Variants in ESRRG observed in about 807,000 individuals in gnomAD.
The protein encoded by ESRRG is estrogen-related receptor gamma.
A neutral mutation model predicts 44.0 loss-of-function variants in ESRRG; 13 were observed. That is an observed-to-expected ratio of 0.30 (90% confidence interval 0.19 to 0.47). The LOEUF (loss-of-function observed/expected upper bound fraction) is 0.47. ESRRG is among the 20% of genes least tolerant of loss of function. The probability of loss-of-function intolerance (pLI) is 1.00; values close to 1 mark genes in which losing one functional copy is unlikely to be tolerated. For synonymous variants in ESRRG, 215 were observed against 214.6 expected (o/e 1.00, Z -0.02); for missense variants, 395 against 580.6 (o/e 0.68, Z 3.29).
chr1:216,677,376 G>A lies in ESRRG; in HGVS notation c.172C>T (p.Pro58Ser). 6.2e-7 allele frequency: 1 copy of A among 1,614,146 alleles called. No individual in the cohort carries two copies. The highest frequency in any genetic ancestry group is 8.5e-7 in the Non-Finnish European group (1 of 1,180,008). Residue 58 changes from proline (P) to serine (S), a missense_variant, in exon 2 of 7, where the codon CCT becomes TCT. Transcript: ENST00000408911. ...SLTDSVNHHS[P>S]GGSSDASGSY... Reference sequence around the variant, plus strand: ...CCACTGGCGTCTGAAGAGCCACCAGGGCTGTGGTGGTTGACGCTGTCCGTC... The same window carrying A: ...CCACTGGCGTCTGAAGAGCCACCAGAGCTGTGGTGGTTGACGCTGTCCGTC...
At chr1:216,685,754 A>G (rs17043350) in intron 1 of ESRRG, among the ~76,000 whole-genome samples, 30,091 of 152,148 alleles carry the variant, frequency 0.2, 3,407 homozygotes, top group East Asian at 0.38. Flanking sequence ...AAATGCTATC[A>G]CAAGTTGATA....
intron 3 of ESRRG, among the ~76,000 whole-genome samples, chr1:216,615,819 G>T (rs2061356418): frequency 6.6e-6 from 1 of 150,586 alleles, no homozygotes; most frequent in African/African-American, 2.4e-5. Flanking sequence ...TCCTGAGTAG[G>T]AGGGATTACA....
At chr1:217,118,112 A>T (rs1394554841) in intron 1 of ESRRG, among the ~76,000 whole-genome samples, 1 of 152,232 alleles carries the variant, frequency 6.6e-6, no homozygotes, top group Non-Finnish European at 1.5e-5. Context: ...TTCTCTCAAC[A>T]ACCCTATGCA....
chr1:216,646,432 T>G (rs2067605035), intron 3 of ESRRG, among the ~76,000 whole-genome samples: 1 of 152,110 alleles, frequency 6.6e-6, no homozygotes, highest in Non-Finnish European at 1.5e-5. Context: ...CCTCACAAAC[T>G]AAGTTCCACC....
chr1:216,509,334 G>C (rs1054141808), intron 6 of ESRRG, among the ~76,000 whole-genome samples: 1 of 152,160 alleles, frequency 6.6e-6, no homozygotes, highest in Admixed American at 6.5e-5. Context: ...AGTATGTAGA[G>C]TATTCTCCTT....
At chr1:216,680,506 C>A (rs1451463902) in intron 1 of ESRRG, among the ~76,000 whole-genome samples, 2 of 152,116 alleles carry the variant, frequency 1.3e-5, no homozygotes, top group African/African-American at 4.8e-5. Context: ...ACTTTTATTT[C>A]TCAGCAATTA....
intron 5 of ESRRG, among the ~76,000 whole-genome samples, chr1:216,556,878 T>C (rs1341605800): frequency 6.6e-6 from 1 of 152,182 alleles, no homozygotes; most frequent in East Asian, 1.9e-4. Context: ...CATTAAATGC[T>C]TATGCATGGA....
intron 2 of ESRRG, among the ~76,000 whole-genome samples, chr1:216,828,390 CG>C (rs1232362899): frequency 6.6e-6 from 1 of 152,052 alleles, no homozygotes; most frequent in African/African-American, 2.4e-5. Context: ...TTTTGCAAAG[CG>C]CTTCCTTCAC....
At chr1:216,651,176 C>T in intron 2 of ESRRG, 87 bp from the exon 3 acceptor site, 1 of 820,292 alleles carries the variant, frequency 1.2e-6, no homozygotes, top group South Asian at 1.4e-5. Flanking sequence ...CTCTATTATT[C>T]TTACTCTCCC....
At chr1:216,736,323 A>C (rs1412868090) in intron 2 of ESRRG, among the ~76,000 whole-genome samples, 1 of 151,426 alleles carries the variant, frequency 6.6e-6, no homozygotes, top group Non-Finnish European at 1.5e-5. Flanking sequence ...AGCTGGGACT[A>C]CAGCCGTCCG....
chr1:216,670,164 A>T (rs1417937368), intron 2 of ESRRG, among the ~76,000 whole-genome samples: 1 of 152,212 alleles, frequency 6.6e-6, no homozygotes, highest in African/African-American at 2.4e-5. Flanking sequence ...TATCATGTAC[A>T]CTCAATTTGT....
Position 216,677,277 on chromosome 1 carries a change from G to C in ESRRG, c.271C>G (p.Leu91Val), listed in dbSNP as rs2076263163. 6.2e-7 allele frequency: 1 copy of C among 1,613,992 alleles called. No homozygotes were observed. Residue 91 changes from leucine (L) to valine (V), a missense_variant, in exon 2 of 7, where the codon CTG (leucine) becomes GTG (valine). Around this residue, in one of 5 missense-constraint regions of ESRRG, gnomAD observed 148 missense variants for 150.4 expected, o/e 0.98. Transcript: ENST00000408911. ...TTCCTGACAGGCCCACTACCTCCCA[G>C]GATAGGAGCAGAAGGGTAGAGAGGT... ...SPPLYPSAPI[L>V]GGSGPVRKLY... is the part of the protein sequence containing the mutation.
At chr1:217,036,505 C>T (rs895728572) in intron 1 of ESRRG, among the ~76,000 whole-genome samples, 1 of 152,282 alleles carries the variant, frequency 6.6e-6, no homozygotes, top group African/African-American at 2.4e-5. Context: ...AAGATCATGT[C>T]CTTTGCAAAA....
intron 2 of ESRRG, among the ~76,000 whole-genome samples, chr1:216,661,353 C>T (rs534614491): frequency 1.3e-5 from 2 of 152,252 alleles, no homozygotes; most frequent in East Asian, 3.9e-4. Context: ...TCAATTTTTA[C>T]ATGTTATTCT....
intron 1 of ESRRG, among the ~76,000 whole-genome samples, chr1:216,688,424 A>C (rs1419256828): frequency 6.6e-6 from 1 of 152,158 alleles, no homozygotes; most frequent in Non-Finnish European, 1.5e-5. Flanking sequence ...TCTGTTACCA[A>C]ATCTAATTCA....
At chr1:216,825,930 C>T (rs370017484) in intron 2 of ESRRG, among the ~76,000 whole-genome samples, 5 of 152,068 alleles carry the variant, frequency 3.3e-5, no homozygotes, top group African/African-American at 1.2e-4. Context: ...CAAAAACCTC[C>T]CAACCAATGA....
chr1:216,702,725 C>T (rs546172723), intron 1 of ESRRG, among the ~76,000 whole-genome samples: 7 of 146,356 alleles, frequency 4.8e-5, no homozygotes, highest in African/African-American at 1.3e-4. Context: ...TGCAGTGAGC[C>T]GAGATCACGC....
chr1:216,626,237 C>T (rs972097583), intron 3 of ESRRG, among the ~76,000 whole-genome samples: 3 of 152,198 alleles, frequency 2.0e-5, no homozygotes, highest in African/African-American at 7.2e-5. Flanking sequence ...TGCAATACCA[C>T]GTTCTCTTGG....
At chr1:217,060,681 A>AT (rs902621785) in intron 1 of ESRRG, among the ~76,000 whole-genome samples, 3 of 152,052 alleles carry the variant, frequency 2.0e-5, no homozygotes, top group African/African-American at 7.2e-5. Context: ...TTATCCTAAG[A>AT]TTTTTGCCTT....
Sources: gnomAD v4.1 joint callset for allele counts (sites outside exome capture counted in the v4.1 genomes callset) on GRCh38, gnomAD v4.1.1 for gene constraint, gnomAD v4.1.1 regional missense constraint, MANE v1.5 for transcripts, NCBI Gene and HGNC (gene_info 2026-07-23, HGNC 2026-07-21) for gene names.